OSBPL8: variants seen among roughly 807,000 people sequenced by gnomAD.
The protein encoded by OSBPL8 is oxysterol-binding protein-related protein 8.
A neutral mutation model predicts 125.5 loss-of-function variants in OSBPL8; 59 were observed. The ratio of observed to expected loss-of-function variants is 0.47; its 90% CI spans 0.38 to 0.58. The LOEUF (loss-of-function observed/expected upper bound fraction) is 0.58, where lower values mean the gene tolerates loss of function less well. Ranked by LOEUF, OSBPL8 falls within the 20% of genes least tolerant of loss-of-function variation. The pLI, the probability that OSBPL8 is intolerant of heterozygous loss-of-function variation, is 0.00. For missense variants in OSBPL8, 758 were observed against 1,047.8 expected (o/e 0.72, Z 3.82); for synonymous variants, 330 against 338.9 (o/e 0.97, Z 0.29).
intron 3 of OSBPL8, among the ~76,000 whole-genome samples, chr12:76,456,223 T>C (rs887442673): frequency 5.9e-5 from 9 of 152,216 alleles, no homozygotes; most frequent in African/African-American, 1.2e-4. Context: ...ATCCTATATC[T>C]CCTTTTCTTC....
intron 1 of OSBPL8, among the ~76,000 whole-genome samples, chr12:76,517,541 AATG>A (rs1195745958): frequency 6.6e-6 from 1 of 152,234 alleles, no homozygotes; most frequent in Non-Finnish European, 1.5e-5. Context: ...AATAGATGAC[AATG>A]ATAAATTTTA....
At chr12:76,475,636 T>C (rs544641493) in intron 2 of OSBPL8, among the ~76,000 whole-genome samples, 21 of 152,288 alleles carry the variant, frequency 1.4e-4, no homozygotes, top group Middle Eastern at 3.4e-3. Context: ...AAGAAGCCAA[T>C]TGCTTTTGCA....
Position 76,552,798 on chromosome 12 carries a change from T to G in OSBPL8, c.-68+6599A>C, listed in dbSNP as rs559382353. Reference sequence around the variant, plus strand: ...GTACCAGTTCTGAACTTTGGCAGTCTGGCTCCAGGGTTCGTGCTATTCTGC... The same window carrying G: ...GTACCAGTTCTGAACTTTGGCAGTCGGGCTCCAGGGTTCGTGCTATTCTGC... On this transcript the variant is annotated intron_variant, in intron 1 of 23. Transcript: ENST00000261183. 2.6e-5 allele frequency among the ~76,000 whole-genome samples: 4 copies of G among 152,322 alleles called. No individual in the cohort carries two copies. The South Asian group carries it at 8.3e-4, about 32-fold the overall frequency.
intron 2 of OSBPL8, chr12:76,486,030 C>T: frequency 2.3e-6 from 1 of 435,492 alleles, no homozygotes; most frequent in Non-Finnish European, 4.6e-6. Context: ...AATAAAGTAA[C>T]TTACCATCCG....
chr12:76,401,390 T>G (rs756860300), intron 6 of OSBPL8, among the ~76,000 whole-genome samples: 2 of 152,230 alleles, frequency 1.3e-5, no homozygotes, highest in Non-Finnish European at 2.9e-5. Flanking sequence ...ATTAAAATAA[T>G]AAGAGAGCTA....
intron 4 of OSBPL8, among the ~76,000 whole-genome samples, chr12:76,433,433 A>G (rs1372443067): frequency 6.6e-6 from 1 of 152,136 alleles, no homozygotes; most frequent in East Asian, 1.9e-4. Flanking sequence ...TCAAAAAGGA[A>G]ATTATAAAAA....
intron 1 of OSBPL8, among the ~76,000 whole-genome samples, chr12:76,525,203 T>C (rs927894158): frequency 3.3e-5 from 5 of 152,218 alleles, no homozygotes; most frequent in Non-Finnish European, 7.3e-5. Context: ...TCAGAATTAT[T>C]TGAACATTTG....
chr12:76,555,428 T>C (rs907873996), intron 1 of OSBPL8, among the ~76,000 whole-genome samples: 1 of 152,178 alleles, frequency 6.6e-6, no homozygotes, highest in Non-Finnish European at 1.5e-5. Flanking sequence ...AGAATTTTGA[T>C]TCTGATCAAT....
chr12:76,459,937 A>C (rs753462383), intron 2 of OSBPL8, 42 bp from the exon 3 acceptor site: 2 of 1,609,188 alleles, frequency 1.2e-6, no homozygotes, highest in South Asian at 2.2e-5. Flanking sequence ...AATACAGTCC[A>C]AATCAGGAAG....
intron 1 of OSBPL8, among the ~76,000 whole-genome samples, chr12:76,531,940 G>C (rs1027892441): frequency 3.3e-5 from 5 of 151,490 alleles, no homozygotes; most frequent in African/African-American, 1.2e-4. Context: ...AGGCGGCTGA[G>C]GCAGGAGAAT....
At chr12:76,461,707 G>A (rs946389511) in intron 2 of OSBPL8, among the ~76,000 whole-genome samples, 9 of 152,028 alleles carry the variant, frequency 5.9e-5, no homozygotes, top group African/African-American at 1.9e-4. Flanking sequence ...AAAGTGCTGG[G>A]ATTACAGGCA....
chr12:76,390,664 G>T lies in OSBPL8; in HGVS notation c.930-7C>A. 1 of 1,561,796 alleles carries T rather than the reference G, an allele frequency of 6.4e-7. No homozygotes were observed. ...AATTTCACTATCATTTAACCTTAAG[G>T]GAAAGAATTTTTAGGAGGAAGAATC... On this transcript the variant is annotated splice_polypyrimidine_tract_variant and splice_region_variant and intron_variant, in intron 10 of 23. Transcript: ENST00000261183.
rs1873568919 is a variant in OSBPL8, at chr12:76,452,763, A to T, written c.80-1775T>A. Among the ~76,000 whole-genome samples, 3 of 152,064 alleles carry T rather than the reference A, an allele frequency of 2.0e-5. No homozygotes were observed. The South Asian group carries it at 6.2e-4, about 31-fold the overall frequency. On this transcript the variant is annotated intron_variant, in intron 3 of 23. Transcript: ENST00000261183. The stretch of plus-strand genomic sequence containing the variant: ...ATTCTCTACTACTCTCCTGTCACTC[A>T]CTTGGCTCCTGCCGTAATAGTCTTC...
At chr12:76,499,096 C>T (rs1009428066) in intron 1 of OSBPL8, among the ~76,000 whole-genome samples, 9 of 152,072 alleles carry the variant, frequency 5.9e-5, no homozygotes, top group Non-Finnish European at 1.2e-4. Flanking sequence ...CATCCACCAT[C>T]GAATATAAGG....
chr12:76,555,966 A>G (rs1456578821), intron 1 of OSBPL8, among the ~76,000 whole-genome samples: 2 of 152,180 alleles, frequency 1.3e-5, no homozygotes, highest in Non-Finnish European at 2.9e-5. Flanking sequence ...ACCCCCTTAG[A>G]CACTGCTTAT....
chr12:76,361,595 C>T (rs541286117), intron 21 of OSBPL8, among the ~76,000 whole-genome samples: 3 of 152,204 alleles, frequency 2.0e-5, no homozygotes, highest in South Asian at 2.1e-4. Context: ...AAGACATACC[C>T]GAGATGGGAA....
rs572046894 is a variant in OSBPL8, at chr12:76,451,281, C to T, written c.80-293G>A. Among the ~76,000 whole-genome samples, 3 of 151,940 alleles carry T rather than the reference C, an allele frequency of 2.0e-5. No individual in the cohort carries two copies. The East Asian group carries it at 5.8e-4, about 29-fold the overall frequency. On this transcript the variant is annotated intron_variant, in intron 3 of 23. Coordinates refer to ENST00000261183, the MANE Select transcript of OSBPL8 (RefSeq NM_020841.5). Reference sequence around the variant, plus strand: ...GGCCTAAGGTTTACTGTGTGCCTTTCATTGTGCTATTTATTCTTTATATTT... The same window carrying T: ...GGCCTAAGGTTTACTGTGTGCCTTTTATTGTGCTATTTATTCTTTATATTT...
intron 22 of OSBPL8, among the ~76,000 whole-genome samples, chr12:76,358,289 C>T (rs1254722510): frequency 6.8e-6 from 1 of 148,142 alleles, no homozygotes; most frequent in Non-Finnish European, 1.5e-5. Flanking sequence ...AAGCAATTCT[C>T]GTGTCTCAGC....
intron 1 of OSBPL8, among the ~76,000 whole-genome samples, chr12:76,531,719 T>C (rs991566279): frequency 6.6e-6 from 1 of 152,032 alleles, no homozygotes; most frequent in Non-Finnish European, 1.5e-5. Context: ...GAAGGTATAG[T>C]AATTAAGTAC....
Sources: allele counts gnomAD v4.1 joint callset (sites outside exome capture counted in the v4.1 genomes callset), GRCh38; gene constraint gnomAD v4.1.1; transcripts MANE v1.5; gene names NCBI Gene and HGNC (gene_info 2026-07-23, HGNC 2026-07-21).